Variants in KIAA1217 observed in about 807,000 individuals in gnomAD.
KIAA1217 encodes KIAA1217, also known as sickle tail protein homolog.
Under a neutral mutation model 163.9 loss-of-function variants are expected in KIAA1217, and 88 were observed. The ratio of observed to expected loss-of-function variants is 0.54; its 90% confidence interval spans 0.45 to 0.64. The LOEUF is 0.64. KIAA1217 is among the 30% of genes least tolerant of loss of function. The probability of loss-of-function intolerance (pLI) is 0.00; values close to 1 mark genes in which losing one functional copy is unlikely to be tolerated. For missense variants in KIAA1217, 2,372 were observed against 2,475.0 expected (o/e 0.96, Z 0.88); for synonymous variants, 903 against 923.1 (o/e 0.98, Z 0.39).
At chr10:24,040,704 T>C (rs930038549) in intron 2 of KIAA1217, among the ~76,000 whole-genome samples, 1 of 152,222 alleles carries the variant, frequency 6.6e-6, no homozygotes, top group Non-Finnish European at 1.5e-5. Flanking sequence ...GGGCTGAGAT[T>C]ATGAGTGTGA....
In KIAA1217 at chr10:24,010,122, C is replaced by T. The variant is rs568553715; in HGVS notation, c.-171+2748C>T. Among the ~76,000 whole-genome samples, 3 of 152,058 alleles carry T rather than the reference C, an allele frequency of 2.0e-5. No individual in the cohort carries two copies. In the South Asian group the frequency reaches 6.2e-4, roughly 32 times the overall value. The stretch of plus-strand genomic sequence containing the variant: ...GTATTATTTTAACAGGAATCATGTT[C>T]TAGCTTCCCATCCTTTAGCTTACTT... On this transcript the variant is annotated intron_variant, in intron 2 of 18. Transcript: ENST00000376462.
rs1241701747 is a variant in KIAA1217, at chr10:24,473,828, A to T, written c.1447A>T (p.Met483Leu). Residue 483 changes from methionine (M) to leucine (L), a missense_variant, in exon 6 of 21, where the codon ATG (methionine) becomes TTG (leucine). This residue lies in a region of KIAA1217 where 1,431 missense variants were observed against 1,470.3 expected (regional missense o/e 0.97). Coordinates refer to ENST00000376454, the MANE Select transcript of KIAA1217 (RefSeq NM_019590.5). ...TCCTCACAGAGTCAGTGACCTGAGG[A>T]TGATAGACATGCACGCTCACTATAA... Reference protein sequence around the residue: ...ASPHRVSDLRMIDMHAHYNAH... With the variant: ...ASPHRVSDLRLIDMHAHYNAH... 1.2e-6 allele frequency: 2 copies of T among 1,614,018 alleles called. No homozygotes were observed. Among genetic ancestry groups the T allele is most frequent in the African/African-American group, 2.7e-5 (2 of 74,916 alleles).
At chr10:23,970,003 T>G (rs1299725543) in intron 1 of KIAA1217, among the ~76,000 whole-genome samples, 2 of 152,146 alleles carry the variant, frequency 1.3e-5, no homozygotes, top group Non-Finnish European at 1.5e-5. Context: ...TTGTGAGATT[T>G]ACTCACTACC....
At chr10:24,269,865 A>ATT (rs1236801144) in intron 2 of KIAA1217, among the ~76,000 whole-genome samples, 1 of 152,196 alleles carries the variant, frequency 6.6e-6, no homozygotes, top group Non-Finnish European at 1.5e-5. Flanking sequence ...ACTTCTAAAG[A>ATT]TTGGGGCCCC....
At chr10:23,927,557 T>A (rs1007779030) in intron 1 of KIAA1217, among the ~76,000 whole-genome samples, 1 of 152,180 alleles carries the variant, frequency 6.6e-6, no homozygotes, top group East Asian at 1.9e-4. Context: ...GATGCTCATA[T>A]GTGATTGAAA....
chr10:23,881,097 TAA>T (rs558408191), intron 1 of KIAA1217, among the ~76,000 whole-genome samples: 2 of 141,298 alleles, frequency 1.4e-5, no homozygotes, highest in Non-Finnish European at 3.1e-5. Context: ...CTGGAGTAGA[TAA>T]AAAAAAAAAA....
At chr10:24,487,047 G>A (rs1406364128) in intron 6 of KIAA1217, among the ~76,000 whole-genome samples, 1 of 152,276 alleles carries the variant, frequency 6.6e-6, no homozygotes, top group Non-Finnish European at 1.5e-5. Context: ...CACTGTTTTT[G>A]CTTCCACTAA....
chr10:23,710,724 T>C (rs1455269086), intron 1 of KIAA1217, among the ~76,000 whole-genome samples: 1 of 152,208 alleles, frequency 6.6e-6, no homozygotes, highest in Non-Finnish European at 1.5e-5. Context: ...TGCCTTGATT[T>C]TGAAAAATTT....
chr10:23,945,810 G>T (rs1844005268), intron 1 of KIAA1217, among the ~76,000 whole-genome samples: 1 of 152,166 alleles, frequency 6.6e-6, no homozygotes, highest in East Asian at 1.9e-4. Flanking sequence ...ACAAAAATAT[G>T]ACAGGGGTGT....
In KIAA1217 at chr10:24,543,288, G is replaced by A; in HGVS notation, c.4018G>A (p.Val1340Ile). 6.2e-7 allele frequency: 1 copy of A among 1,614,082 alleles called. No homozygotes were observed. Among genetic ancestry groups the A allele is most frequent in the Non-Finnish European group, 8.5e-7 (1 of 1,180,020 alleles). Residue 1340 changes from valine (V) to isoleucine (I), a missense_variant, in exon 19 of 21, where the codon GTT becomes ATT. This residue lies in a region of KIAA1217 where 251 missense variants were observed against 327.3 expected (regional missense o/e 0.77). Transcript: ENST00000376454. ...VHDFKTEDQE[V>I]ITTDFGQVVL... is the part of the protein sequence containing the mutation. ...TGATTTTAAAACAGAAGATCAAGAGGTTATCACGACAGATTTTGGCCAAGT... is the reference window on the plus strand; with the variant it reads ...TGATTTTAAAACAGAAGATCAAGAGATTATCACGACAGATTTTGGCCAAGT...
intron 1 of KIAA1217, among the ~76,000 whole-genome samples, chr10:23,831,984 A>G (rs1239413973): frequency 6.6e-6 from 1 of 152,158 alleles, no homozygotes; most frequent in Non-Finnish European, 1.5e-5. Context: ...AGATGTGTGC[A>G]GATTTTTCCC....
At chr10:24,355,973 TCCTGACTTTGTGATCCA>T (rs1185657795) in intron 2 of KIAA1217, among the ~76,000 whole-genome samples, 1 of 151,678 alleles carries the variant, frequency 6.6e-6, no homozygotes, top group African/African-American at 2.4e-5. Context: ...GGTCTCAAAC[TCCTGACTTTGTGATCCA>T]CCCGCCTCGG....
intron 1 of KIAA1217, among the ~76,000 whole-genome samples, chr10:23,723,676 A>G (rs1234450902): frequency 6.6e-6 from 1 of 152,182 alleles, no homozygotes; most frequent in Non-Finnish European, 1.5e-5. Context: ...TTTCAAAGCT[A>G]TTATGAAATT....
chr10:24,320,760 G>T (rs74230822), intron 2 of KIAA1217, among the ~76,000 whole-genome samples: 1 of 152,080 alleles, frequency 6.6e-6, no homozygotes, highest in African/African-American at 2.4e-5. Flanking sequence ...AAGCTACAGA[G>T]AGGCCGGGCT....
chr10:24,186,453 G>C (rs1193411906), intron 2 of KIAA1217, among the ~76,000 whole-genome samples: 1 of 152,096 alleles, frequency 6.6e-6, no homozygotes, highest in Non-Finnish European at 1.5e-5. Context: ...ATATTTCCAT[G>C]TGTCAACTCA....
intron 1 of KIAA1217, among the ~76,000 whole-genome samples, chr10:23,975,181 C>A (rs535166688): frequency 2.6e-5 from 4 of 152,116 alleles, no homozygotes; most frequent in African/African-American, 9.7e-5. Flanking sequence ...AAGTCACTGG[C>A]CCCAGAGGCA....
chr10:24,203,692 T>G (rs1298436268), intron 2 of KIAA1217, among the ~76,000 whole-genome samples: 1 of 152,056 alleles, frequency 6.6e-6, no homozygotes, highest in Non-Finnish European at 1.5e-5. Flanking sequence ...GCACTGTGGG[T>G]AAAGCAAGGT....
chr10:24,041,500 A>ACT (rs139945704), intron 2 of KIAA1217, among the ~76,000 whole-genome samples: 2 of 151,804 alleles, frequency 1.3e-5, no homozygotes, highest in South Asian at 2.1e-4. Context: ...TCTTTCCCTG[A>ACT]CTCTCTCTCT....
intron 1 of KIAA1217, among the ~76,000 whole-genome samples, chr10:23,717,214 T>C (rs1837623889): frequency 6.6e-6 from 1 of 152,184 alleles, no homozygotes. Context: ...TAAGAACTAC[T>C]TGGTTGTCCC....
Sources: gnomAD v4.1 joint callset for allele counts (sites outside exome capture counted in the v4.1 genomes callset) on GRCh38, gnomAD v4.1.1 for gene constraint, gnomAD v4.1.1 regional missense constraint, MANE v1.5 for transcripts, NCBI Gene and HGNC (gene_info 2026-07-23, HGNC 2026-07-21) for gene names.